The following SPON1 variants were observed in gnomAD, a reference collection of about 807,000 sequenced individuals.
The protein encoded by SPON1 is spondin 1, also known as spondin-1.
SPON1 carries 52 observed loss-of-function variants against 111.7 expected under a neutral mutation model. The observed-to-expected ratio is 0.47, with a 90% CI of 0.37 to 0.59. The LOEUF (loss-of-function observed/expected upper bound fraction) is 0.59, where lower values mean the gene tolerates loss of function less well. Ranked by LOEUF, SPON1 falls within the 20% of genes least tolerant of loss-of-function variation. The pLI, the probability that SPON1 is intolerant of heterozygous loss-of-function variation, is 0.00. For synonymous variants in SPON1, 410 were observed against 395.8 expected, an observed-to-expected ratio of 1.04 and a Z score of -0.43; for missense variants, 957 against 1,068.5, an observed-to-expected ratio of 0.90 and a Z score of 1.46.
intron 2 of SPON1, among the ~76,000 whole-genome samples, chr11:13,996,721 A>G (rs990564927): frequency 1.3e-5 from 2 of 152,226 alleles, no homozygotes; most frequent in Non-Finnish European, 2.9e-5. Flanking sequence ...GTATATATAT[A>G]TATACACACA....
intron 1 of SPON1, among the ~76,000 whole-genome samples, chr11:13,963,704 A>G (rs1256770851): frequency 6.6e-6 from 1 of 152,080 alleles, no homozygotes; most frequent in African/African-American, 2.4e-5. Context: ...GGGTGCGGGA[A>G]GGAGGGGCAG....
At chr11:14,094,823 A>G (rs1157420865) in intron 5 of SPON1, among the ~76,000 whole-genome samples, 7 of 152,228 alleles carry the variant, frequency 4.6e-5, no homozygotes, top group African/African-American at 1.7e-4. Context: ...AGTGGACAGC[A>G]GCTTGGATGG....
intron 6 of SPON1, among the ~76,000 whole-genome samples, chr11:14,219,997 G>T (rs782721161): frequency 6.6e-6 from 1 of 151,918 alleles, no homozygotes; most frequent in Non-Finnish European, 1.5e-5. Context: ...TGAGGTGGGA[G>T]GATTGCTTGA....
chr11:14,153,555 G>C (rs185896604), intron 6 of SPON1, among the ~76,000 whole-genome samples: 3 of 152,258 alleles, frequency 2.0e-5, no homozygotes, highest in Non-Finnish European at 2.9e-5. Context: ...CCTCCCACCA[G>C]ACCCCTTCTC....
intron 3 of SPON1, among the ~76,000 whole-genome samples, chr11:14,043,687 T>C: frequency 6.6e-6 from 1 of 152,210 alleles, no homozygotes; most frequent in East Asian, 1.9e-4. Flanking sequence ...CTAAAAGCTC[T>C]CATCCCTCTG....
intron 7 of SPON1, among the ~76,000 whole-genome samples, chr11:14,250,881 A>G (rs1591427254): frequency 6.6e-6 from 1 of 152,366 alleles, no homozygotes; most frequent in East Asian, 1.9e-4. Flanking sequence ...CAAAGGAAAT[A>G]CAAGAGCTCC....
intron 6 of SPON1, among the ~76,000 whole-genome samples, chr11:14,229,567 C>A (rs1226522739): frequency 6.6e-6 from 1 of 152,098 alleles, no homozygotes; most frequent in East Asian, 1.9e-4. Flanking sequence ...TGACTGATAC[C>A]GTCTCATTTA....
chr11:14,031,271 T>C (rs1164923013), intron 2 of SPON1, among the ~76,000 whole-genome samples: 7 of 152,238 alleles, frequency 4.6e-5, no homozygotes, highest in Admixed American at 3.9e-4. Flanking sequence ...ACCTGGGTGA[T>C]GGGATCATTC....
intron 3 of SPON1, among the ~76,000 whole-genome samples, chr11:14,060,221 C>T (rs782346189): frequency 3.9e-5 from 6 of 152,158 alleles, no homozygotes; most frequent in Non-Finnish European, 8.8e-5. Flanking sequence ...GATATAGAAA[C>T]TCGGCCTTCA....
chr11:14,160,627 A>T (rs180863144), intron 6 of SPON1, among the ~76,000 whole-genome samples: 1 of 19,286 alleles, frequency 5.2e-5, no homozygotes, highest in African/African-American at 1.5e-4. Context: ...TTATATATAT[A>T]TTTATATATA....
chr11:14,121,771 A>G (rs1172635028), intron 5 of SPON1, among the ~76,000 whole-genome samples: 1 of 152,142 alleles, frequency 6.6e-6, no homozygotes, highest in Non-Finnish European at 1.5e-5. Flanking sequence ...TTAATATTTC[A>G]TATACTGCAG....
chr11:14,079,013 G>GA (rs79686981), intron 4 of SPON1, among the ~76,000 whole-genome samples: 21 of 151,012 alleles, frequency 1.4e-4, no homozygotes, highest in South Asian at 6.3e-4. Context: ...CAACTGCAAA[G>GA]AAAAAAAAAT....
chr11:14,230,066 C>T (rs1016207807), intron 6 of SPON1, among the ~76,000 whole-genome samples: 5 of 151,858 alleles, frequency 3.3e-5, no homozygotes, highest in Non-Finnish European at 5.9e-5. Flanking sequence ...CAAGTCTCTC[C>T]CCAAACCTCA....
chr11:14,124,556 C>T (rs2133855449), intron 5 of SPON1, among the ~76,000 whole-genome samples: 1 of 152,336 alleles, frequency 6.6e-6, no homozygotes, highest in East Asian at 1.9e-4. Flanking sequence ...GGGATCAAGT[C>T]TGAGTCATCT....
intron 2 of SPON1, among the ~76,000 whole-genome samples, chr11:13,992,238 T>G (rs1554911288): frequency 6.6e-6 from 1 of 152,194 alleles, no homozygotes; most frequent in Non-Finnish European, 1.5e-5. Context: ...GCTGCTGCCT[T>G]TTTTTCAGAG....
In SPON1 at chr11:14,267,471, C is replaced by T. The variant is rs894803059; in HGVS notation, c.*1784C>T. 2 of 152,162 alleles carry T rather than the reference C, an allele frequency of 1.3e-5. No individual in the cohort carries two copies. Among genetic ancestry groups the T allele is most frequent in the African/African-American group, 2.4e-5 (1 of 41,452 alleles). The allele number at this position is 152,162 out of a possible 1,614,324, so 9.4% of individuals were successfully genotyped here. ...GGAAAAAAGTCCTCATGTAGAAGCA[C>T]CCACTTTTGCAATGTTGTTCTAAGC... On this transcript the variant is annotated 3_prime_UTR_variant, in exon 16 of 16. Coordinates refer to ENST00000576479, the MANE Select transcript of SPON1 (RefSeq NM_006108.4).
chr11:14,140,429 T>A (rs184711883), intron 6 of SPON1, among the ~76,000 whole-genome samples: 13 of 152,298 alleles, frequency 8.5e-5, no homozygotes, highest in Admixed American at 7.2e-4. Flanking sequence ...AATTTCACTC[T>A]TGTCACCCTG....
chr11:14,180,900 G>A (rs1430271823), intron 6 of SPON1, among the ~76,000 whole-genome samples: 11 of 152,158 alleles, frequency 7.2e-5, no homozygotes, highest in Non-Finnish European at 1.5e-4. Context: ...TTGAATATAT[G>A]AATGAATGAA....
chr11:14,024,463 T>G (rs1848503364), intron 2 of SPON1, among the ~76,000 whole-genome samples: 2 of 151,988 alleles, frequency 1.3e-5, no homozygotes, highest in African/African-American at 2.4e-5. Context: ...GAAGGTGGTC[T>G]TCCCCTGGAG....
Sources: allele counts gnomAD v4.1 joint callset (sites outside exome capture counted in the v4.1 genomes callset), GRCh38; gene constraint gnomAD v4.1.1; transcripts MANE v1.5; gene names NCBI Gene and HGNC (gene_info 2026-07-23, HGNC 2026-07-21).